The following TNS1 variants were observed in gnomAD, a reference collection of about 807,000 sequenced individuals.
TNS1 encodes tensin-1.
In TNS1, 62 loss-of-function variants were observed where a neutral mutation model predicts 168.6. The ratio of observed to expected loss-of-function variants is 0.37; its 90% CI spans 0.30 to 0.45. The LOEUF (loss-of-function observed/expected upper bound fraction) is 0.45, where lower values mean the gene tolerates loss of function less well. Among genes scored for constraint, TNS1 ranks in the 20% least tolerant of loss-of-function variants. The pLI is 1.00. For synonymous variants in TNS1, 934 were observed against 933.2 expected, an observed-to-expected ratio of 1.00 and a Z score of -0.02; for missense variants, 2,240 against 2,339.4, an observed-to-expected ratio of 0.96 and a Z score of 0.88.
chr2:217,861,941 C>T (rs768742878), intron 18 of TNS1, among the ~76,000 whole-genome samples: 6 of 152,336 alleles, frequency 3.9e-5, no homozygotes, highest in Non-Finnish European at 8.8e-5. Context: ...TTGGCCCACC[C>T]GATCTCTGCT....
chr2:217,895,267 T>C (rs1221882612), intron 8 of TNS1, among the ~76,000 whole-genome samples: 2 of 152,204 alleles, frequency 1.3e-5, no homozygotes, highest in Admixed American at 6.5e-5. Flanking sequence ...CTGGACCTCC[T>C]GTGCCTGCTC....
intron 4 of TNS1, among the ~76,000 whole-genome samples, chr2:217,911,116 C>T (rs1272374733): frequency 2.6e-5 from 4 of 152,180 alleles, no homozygotes; most frequent in Non-Finnish European, 4.4e-5. Context: ...CACCCACTGC[C>T]CAGTCCCAGG....
intron 3 of TNS1, among the ~76,000 whole-genome samples, chr2:217,977,086 GCTGT>G (rs1376354878): frequency 6.6e-6 from 1 of 152,206 alleles, no homozygotes; most frequent in Non-Finnish European, 1.5e-5. Flanking sequence ...CATGTGAAAT[GCTGT>G]CTAAGACCCA....
At chr2:218,015,881 T>C (rs1336684730) in intron 1 of TNS1, among the ~76,000 whole-genome samples, 1 of 152,178 alleles carries the variant, frequency 6.6e-6, no homozygotes, top group Non-Finnish European at 1.5e-5. Flanking sequence ...CCCTGGTGTG[T>C]TCCTTGCAGG....
upstream of TNS1, among the ~76,000 whole-genome samples, chr2:218,007,964 G>A (rs1958674994): frequency 2.0e-5 from 3 of 152,172 alleles, no homozygotes; most frequent in South Asian, 6.2e-4. Flanking sequence ...CCTGCCCTCA[G>A]CCTCCACATC....
At position 217,804,597 on chromosome 2, in the gene TNS1, G is replaced by C. The variant is rs371703783; in HGVS notation, c.5382C>G (p.Phe1794Leu). ...TGCCCTGCTTCCGGGCCACGAAGCC[G>C]AAGAGCCTGCAGGCGGGAGAGGGCA... ...KTEGGAPAKLFGFVARKQGST... is the reference protein window; with the variant it reads ...KTEGGAPAKLLGFVARKQGST... The change falls in exon 33 of 33, where the codon TTC (phenylalanine) becomes TTG (leucine). Residue 1794 changes from phenylalanine to leucine, a missense_variant. By Grantham distance (22) the Phe-to-Leu change is conservative (BLOSUM62 0). Coordinates refer to ENST00000682258, the MANE Select transcript of TNS1 (RefSeq NM_001387777.1). 4 of 1,613,914 alleles carry C rather than the reference G, an allele frequency of 2.5e-6. No individual in the cohort carries two copies. Among genetic ancestry groups the C allele is most frequent in the Non-Finnish European group, 3.4e-6 (4 of 1,179,938 alleles).
At chr2:217,928,373 C>G (rs1956145200) in intron 3 of TNS1, among the ~76,000 whole-genome samples, 1 of 152,242 alleles carries the variant, frequency 6.6e-6, no homozygotes, top group African/African-American at 2.4e-5. Context: ...CACCAGGCAG[C>G]TGGCCTTCAC....
At chr2:218,011,982 C>T (rs563695266), upstream of TNS1, among the ~76,000 whole-genome samples, 10 of 152,242 alleles carry the variant, frequency 6.6e-5, no homozygotes, top group Non-Finnish European at 1.0e-4. Flanking sequence ...AGTGTGATCC[C>T]CACACTAAAG....
At chr2:217,954,135 T>C (rs1957305409) in intron 3 of TNS1, among the ~76,000 whole-genome samples, 1 of 152,188 alleles carries the variant, frequency 6.6e-6, no homozygotes. Context: ...GGCGAGGTGC[T>C]GCCTCCCCAA....
Position 217,836,192 on chromosome 2 carries a change from C to A in TNS1, c.3027G>T (p.Lys1009Asn), listed in dbSNP as rs1286465451. Residue 1009 changes from lysine (K) to asparagine (N), a missense_variant, in exon 20 of 33, where the codon AAG becomes AAT. By Grantham distance (94) the Lys-to-Asn change is moderately conservative (BLOSUM62 0). This residue lies in a region of TNS1 where 2,131 missense variants were observed against 2,171.2 expected (regional missense o/e 0.98). Transcript: ENST00000682258. ...HRVAGVQARE[K>N]QPAEPPAPLR... ...GAGGGGCTGGGGGCTCTGCAGGCTGCTTCTCCCGAGCCTGTACCCCTGGGA... is the reference window on the plus strand; with the variant it reads ...GAGGGGCTGGGGGCTCTGCAGGCTGATTCTCCCGAGCCTGTACCCCTGGGA... The A allele has an allele frequency of 6.2e-7, 1 of 1,611,916 alleles. No individual in the cohort carries two copies. The highest frequency in any genetic ancestry group is 2.2e-5 in the East Asian group (1 of 44,842).
At chr2:217,831,224 C>A (rs1324956657) in intron 22 of TNS1, among the ~76,000 whole-genome samples, 1 of 152,192 alleles carries the variant, frequency 6.6e-6, no homozygotes, top group African/African-American at 2.4e-5. Context: ...TCCAAAGCCT[C>A]AAGCTAGAGG....
At position 217,995,982 on chromosome 2, in the gene TNS1, C is replaced by T. The variant is rs916643320; in HGVS notation, c.34-4926G>A. 3.3e-5 allele frequency among the ~76,000 whole-genome samples: 5 copies of T among 152,224 alleles called. No homozygotes were observed. The highest frequency in any genetic ancestry group is 1.2e-4 in the African/African-American group (5 of 41,454). Reference sequence around the variant, plus strand: ...CAGCTTTCCTGCCCGGGCCGCTCAGCCAGAGGGGTGTGGCACATCTGGCTT... The same window carrying T: ...CAGCTTTCCTGCCCGGGCCGCTCAGTCAGAGGGGTGTGGCACATCTGGCTT... On this transcript the variant is annotated intron_variant, in intron 1 of 32. Transcript: ENST00000682258. The surrounding 1 kb of genome is among the most constrained non-coding windows in gnomAD (Gnocchi z 4.1).
At chr2:217,846,770 C>T (rs373998062) in intron 19 of TNS1, among the ~76,000 whole-genome samples, 16 of 152,340 alleles carry the variant, frequency 1.1e-4, no homozygotes, top group African/African-American at 3.8e-4. Flanking sequence ...CTGAGTGTCC[C>T]ACTTTCCTCT....
At position 217,885,080 on chromosome 2, in the gene TNS1, G is replaced by C; in HGVS notation, c.1201C>G (p.Leu401Val). 1 of 1,614,226 alleles carries C rather than the reference G, an allele frequency of 6.2e-7. No individual in the cohort carries two copies. Among genetic ancestry groups the C allele is most frequent in the Non-Finnish European group, 8.5e-7 (1 of 1,180,036 alleles). The part of the protein sequence containing the change: ...VQFHTCAIHD[L>V]GVVFGKEDLD... ...TCCTCCTTCCCAAAGACAACCCCCA[G>C]GTCATGGATGGCACAGGTGTGGAAC... The change falls in exon 16 of 33, where the codon CTG becomes GTG. Residue 401 changes from leucine (L) to valine (V), a missense_variant. Physicochemically the swap from Leu to Val is conservative, Grantham distance 32. Around this residue, in one of 2 missense-constraint regions of TNS1, gnomAD observed 2,131 missense variants for 2,171.2 expected, o/e 0.98. Coordinates refer to ENST00000682258, the MANE Select transcript of TNS1 (RefSeq NM_001387777.1).
At position 217,993,402 on chromosome 2, in the gene TNS1, C is replaced by T. The variant is rs1401177343; in HGVS notation, c.34-2346G>A. 2.0e-5 allele frequency among the ~76,000 whole-genome samples: 3 copies of T among 152,228 alleles called. No individual in the cohort carries two copies. The East Asian group carries it at 5.8e-4, about 29-fold the overall frequency. On this transcript the variant is annotated intron_variant, in intron 1 of 32. Coordinates refer to ENST00000682258, the MANE Select transcript of TNS1 (RefSeq NM_001387777.1). ...TTAATCAAGTGATCAAAGTTAACATCACTGCAACGGTAATGGGATGATGAA... is the reference window on the plus strand; with the variant it reads ...TTAATCAAGTGATCAAAGTTAACATTACTGCAACGGTAATGGGATGATGAA...
intron 3 of TNS1, among the ~76,000 whole-genome samples, chr2:217,978,437 C>T (rs1252371008): frequency 6.6e-6 from 1 of 151,940 alleles, no homozygotes; most frequent in African/African-American, 2.4e-5. Context: ...TTTCCCTCTC[C>T]CCCTTGAGAA....
At position 217,818,122 on chromosome 2, in the gene TNS1, G is replaced by A; in HGVS notation, c.4210C>T (p.Leu1404=). The A allele has an allele frequency of 1.2e-6, 2 of 1,614,024 alleles. No homozygotes were observed. The highest frequency in any genetic ancestry group is 1.7e-6 in the Non-Finnish European group (2 of 1,179,986). The part of the protein sequence containing the change: ...NAIASPGSPS[L]GRHLGGSGSV... Reference sequence around the variant, plus strand: ...CCAGACCCTCCGAGGTGACGGCCCAGGCTGGGGCTTCCAGGGCTGGCTATT... The same window carrying A: ...CCAGACCCTCCGAGGTGACGGCCCAAGCTGGGGCTTCCAGGGCTGGCTATT... The change falls in exon 24 of 33, where the codon CTG becomes TTG. Residue 1404 remains leucine (L), a synonymous_variant. Transcript: ENST00000682258.
chr2:217,831,982 G>A (rs1177229988), intron 21 of TNS1, among the ~76,000 whole-genome samples: 1 of 135,606 alleles, frequency 7.4e-6, no homozygotes, highest in Non-Finnish European at 1.5e-5. Flanking sequence ...GACACACACA[G>A]TCCATTTAAA....
intron 18 of TNS1, among the ~76,000 whole-genome samples, chr2:217,877,920 G>A (rs1191590294): frequency 1.3e-5 from 2 of 152,174 alleles, no homozygotes; most frequent in South Asian, 4.1e-4. Flanking sequence ...AAGTCTCCTG[G>A]TGGGCTCCAG....
Sources: gnomAD v4.1 joint callset for allele counts (sites outside exome capture counted in the v4.1 genomes callset) on GRCh38, gnomAD v4.1.1 for gene constraint, gnomAD v4.1.1 regional missense constraint, Gnocchi (gnomAD v3.1) non-coding constraint, MANE v1.5 for transcripts, NCBI Gene and HGNC (gene_info 2026-07-23, HGNC 2026-07-21) for gene names.